TXNL4A: variants seen among roughly 807,000 people sequenced by gnomAD.
TXNL4A encodes thioredoxin-like protein 4A.
Under a neutral mutation model 14.6 loss-of-function variants are expected in TXNL4A, and 17 were observed. The observed-to-expected ratio is 1.16, with a 90% CI of 0.80 to 1.74. The LOEUF is 1.74. Among genes scored for constraint, TXNL4A ranks in the 40% most tolerant of loss-of-function variants. The pLI is 0.00. For synonymous variants in TXNL4A, 83 were observed against 70.6 expected, an observed-to-expected ratio of 1.18 and a Z score of -0.88; for missense variants, 74 against 195.2, an observed-to-expected ratio of 0.38 and a Z score of 3.70.
At chr18:79,997,716 G>C (rs1225487709) in intron 1 of TXNL4A, among the ~76,000 whole-genome samples, 3 of 152,074 alleles carry the variant, frequency 2.0e-5, no homozygotes, top group Non-Finnish European at 4.4e-5. Flanking sequence ...TTTTCCCCAG[G>C]GCTCAACACT....
At chr18:79,995,777 C>G (rs2145098857) in intron 1 of TXNL4A, among the ~76,000 whole-genome samples, 1 of 152,280 alleles carries the variant, frequency 6.6e-6, no homozygotes, top group East Asian at 1.9e-4. Flanking sequence ...GGTCTGAGGA[C>G]TCTTCCCTCC....
At chr18:79,999,141 G>C (rs1230371703) in intron 1 of TXNL4A, among the ~76,000 whole-genome samples, 2 of 152,186 alleles carry the variant, frequency 1.3e-5, no homozygotes, top group Non-Finnish European at 2.9e-5. Flanking sequence ...CAGCTGCTAT[G>C]CTTTTGGGGT....
intron 1 of TXNL4A, among the ~76,000 whole-genome samples, chr18:80,009,512 T>G (rs1438300038): frequency 6.6e-6 from 1 of 152,166 alleles, no homozygotes; most frequent in African/African-American, 2.4e-5. Flanking sequence ...GTGGCAAGTT[T>G]ATACGGGTCT....
At chr18:79,989,368 C>G (rs1234474407), upstream of TXNL4A, among the ~76,000 whole-genome samples, 7 of 151,922 alleles carry the variant, frequency 4.6e-5, no homozygotes, top group Admixed American at 3.9e-4. Context: ...CCTCGGCCTC[C>G]CAAAGCGCTG....
intron 1 of TXNL4A, among the ~76,000 whole-genome samples, chr18:80,032,826 A>C (rs11081586): frequency 0.77 from 116,734 of 152,200 alleles, 45,428 homozygotes; most frequent in East Asian, 0.91. Context: ...GGCGGCAGAG[A>C]GAGATTCCAT....
intron 1 of TXNL4A, among the ~76,000 whole-genome samples, chr18:80,031,435 G>A (rs2051920745): frequency 6.6e-6 from 1 of 152,176 alleles, no homozygotes; most frequent in Non-Finnish European, 1.5e-5. Context: ...TGCTCCCCAG[G>A]TTATGCTTGG....
rs1738759625 is a variant in TXNL4A, at chr18:79,971,409, C to A, written c.*2276G>T. On this transcript the variant is annotated 3_prime_UTR_variant, in exon 3 of 3. Transcript: ENST00000269601. ...GTGGCACAACCATGGCTTACTGCAG[C>A]CTTGACCTCTGGGGCTTAAGTGATC... is the stretch of plus-strand genomic sequence containing the variant. The A allele has an allele frequency of 1.3e-5, 2 of 152,226 alleles. No homozygotes were observed. Among genetic ancestry groups the A allele is most frequent in the Non-Finnish European group, 2.9e-5 (2 of 68,110 alleles). 9.4% of individuals were successfully genotyped at this position (152,226 alleles called of 1,614,324 possible).
chr18:80,015,821 T>C (rs557385881), intron 1 of TXNL4A, among the ~76,000 whole-genome samples: 1,978 of 147,072 alleles, frequency 0.013, 30 homozygotes, highest in African/African-American at 0.049. Context: ...GCAATAAACA[T>C]ATGTGTGCAT....
intron 2 of TXNL4A, among the ~76,000 whole-genome samples, chr18:79,975,261 A>C (rs1001505605): frequency 2.6e-5 from 4 of 152,342 alleles, no homozygotes; most frequent in Non-Finnish European, 5.9e-5. Context: ...ATCCTGTCTT[A>C]TCTGACATTA....
intron 1 of TXNL4A, among the ~76,000 whole-genome samples, chr18:79,980,163 C>G (rs568778356): frequency 3.9e-5 from 6 of 152,260 alleles, no homozygotes; most frequent in African/African-American, 1.4e-4. Flanking sequence ...CCTAGGAGCT[C>G]CAAGAGGCTG....
upstream of TXNL4A, among the ~76,000 whole-genome samples, chr18:79,991,882 T>A (rs1568371661): frequency 6.6e-6 from 1 of 152,216 alleles, no homozygotes. Context: ...CCTGATGATA[T>A]GTGCCCGAGG....
At chr18:79,987,483 A>C (rs977019370) in intron 1 of TXNL4A, among the ~76,000 whole-genome samples, 14 of 152,206 alleles carry the variant, frequency 9.2e-5, no homozygotes, top group African/African-American at 3.4e-4. Context: ...AATATGGCAA[A>C]TATTTTATTA....
chr18:80,026,222 A>G (rs1354598800), intron 1 of TXNL4A, among the ~76,000 whole-genome samples: 1 of 152,188 alleles, frequency 6.6e-6, no homozygotes, highest in Non-Finnish European at 1.5e-5. Context: ...TACGATAAAA[A>G]AGGAAAAACA....
At chr18:80,014,743 C>A (rs1177944475) in intron 1 of TXNL4A, among the ~76,000 whole-genome samples, 1 of 152,166 alleles carries the variant, frequency 6.6e-6, no homozygotes, top group Non-Finnish European at 1.5e-5. Flanking sequence ...AGGCAGTTTC[C>A]CAGTAGGGAC....
chr18:80,000,934 G>A (rs561209369), intron 1 of TXNL4A, among the ~76,000 whole-genome samples: 18 of 152,336 alleles, frequency 1.2e-4, no homozygotes, highest in Non-Finnish European at 2.4e-4. Flanking sequence ...AATTACAGGC[G>A]TGAGCAAGGA....
intron 1 of TXNL4A, chr18:80,030,723 T>C (rs9948022): frequency 0.3 from 45,241 of 152,192 alleles, 7,045 homozygotes; most frequent in Non-Finnish European, 0.35. Context: ...CCTAGCACTT[T>C]AGGAGGCCGA....
intron 1 of TXNL4A, among the ~76,000 whole-genome samples, chr18:79,980,314 G>C (rs1017097411): frequency 6.6e-6 from 1 of 152,190 alleles, no homozygotes; most frequent in African/African-American, 2.4e-5. Context: ...AAGCCCCTCA[G>C]CTTGCAGCAT....
At chr18:80,009,129 A>G (rs1238490032) in intron 1 of TXNL4A, among the ~76,000 whole-genome samples, 2 of 152,212 alleles carry the variant, frequency 1.3e-5, no homozygotes, top group Non-Finnish European at 2.9e-5. Context: ...AAAGGAAGAC[A>G]ATCCTGTATT....
intron 1 of TXNL4A, among the ~76,000 whole-genome samples, chr18:80,010,278 A>C (rs11661922): frequency 0.29 from 43,573 of 151,904 alleles, 6,683 homozygotes; most frequent in Non-Finnish European, 0.35. Context: ...GTTCTCTATG[A>C]ACTGGAAAGA....
Sources: gnomAD v4.1 joint callset for allele counts (sites outside exome capture counted in the v4.1 genomes callset) on GRCh38, gnomAD v4.1.1 for gene constraint, MANE v1.5 for transcripts, NCBI Gene and HGNC (gene_info 2026-07-23, HGNC 2026-07-21) for gene names.